The following CNDP2 variants were observed in gnomAD, a reference collection of about 807,000 sequenced individuals.
CNDP2 encodes the protein cytosolic non-specific dipeptidase.
Under a neutral mutation model 55.0 loss-of-function variants are expected in CNDP2, and 38 were observed. That is an observed-to-expected ratio of 0.69 (90% CI 0.53 to 0.90). The LOEUF is 0.90. CNDP2 is among the 40% of genes least tolerant of loss of function. CNDP2 has a pLI of 0.00. For missense variants in CNDP2, 607 were observed against 621.7 expected (o/e 0.98, Z 0.25); for synonymous variants, 241 against 260.2 (o/e 0.93, Z 0.71).
At position 74,522,075 on chromosome 18, in the gene CNDP2, T is replaced by C. The variant is rs12717112; in HGVS notation, c.*2007T>C. The stretch of plus-strand genomic sequence containing the variant: ...AGGAAAATCTGTAGTTGGTTTTACG[T>C]GGATGTTAATCTCTTAGTTTTGATC... On this transcript the variant is annotated 3_prime_UTR_variant, in exon 12 of 12. Transcript: ENST00000324262. The C allele has an allele frequency of 0.95, 145,324 of 152,332 alleles. 69,666 individuals are homozygous for C. Among genetic ancestry groups the C allele is most frequent in the South Asian group, 1 (4,820 of 4,822 alleles). The allele number at this position is 152,332 out of a possible 1,614,324, so 9.4% of individuals were successfully genotyped here. A position where few individuals can be genotyped will look rare whatever the true frequency, so the allele number is the denominator to read the frequency against.
chr18:74,516,043 T>G (rs913169497), intron 8 of CNDP2, among the ~76,000 whole-genome samples, 185 bp from the exon 9 acceptor site: 1 of 152,230 alleles, frequency 6.6e-6, no homozygotes. Context: ...AGGGGCCTCC[T>G]TTGTGCTGAG....
chr18:74,517,241 A>G (rs1359510355), intron 9 of CNDP2: 1 of 152,176 alleles, frequency 6.6e-6, no homozygotes, highest in African/African-American at 2.4e-5. Flanking sequence ...TACTAAAGAA[A>G]AAAAGCTAGG....
intron 3 of CNDP2, chr18:74,505,002 T>C (rs1232818852): frequency 6.6e-6 from 1 of 152,198 alleles, no homozygotes; most frequent in Non-Finnish European, 1.5e-5. Flanking sequence ...TCCATTCCTA[T>C]GGGATTGTGG....
In CNDP2 at chr18:74,508,899, G is replaced by A. The variant is rs149206732; in HGVS notation, c.427G>A (p.Ala143Thr). ...GGGCCCGGTGGCCGGCTGGATAAAC[G>A]CCCTGGAAGCGTATCAGAAAACAGG... is the stretch of plus-strand genomic sequence containing the variant. Reference protein sequence around the residue: ...DKGPVAGWINALEAYQKTGQE... With the variant: ...DKGPVAGWINTLEAYQKTGQE... The change falls in exon 5 of 12, where the codon GCC becomes ACC. Residue 143 changes from alanine (A) to threonine (T), a missense_variant. Coordinates refer to ENST00000324262, the MANE Select transcript of CNDP2 (RefSeq NM_018235.3). 5.4e-5 allele frequency: 87 copies of A among 1,613,906 alleles called. 1 individual carries two copies. The highest frequency in any genetic ancestry group is 3.2e-4 in the African/African-American group (24 of 74,868).
rs1182896713 is a variant in CNDP2 at position 74,521,672 on chromosome 18, T to A, written c.*1604T>A. On this transcript the variant is annotated 3_prime_UTR_variant, in exon 12 of 12. Transcript: ENST00000324262. Reference sequence around the variant, plus strand: ...AACAATCCATGAGTCCATACTAATATAAATAAAGTGACAAAGTGGGTGAGA... The same window carrying A: ...AACAATCCATGAGTCCATACTAATAAAAATAAAGTGACAAAGTGGGTGAGA... The A allele has an allele frequency of 6.6e-5, 10 of 152,124 alleles. No individual in the cohort carries two copies. Among genetic ancestry groups the A allele is most frequent in the Admixed American group, 6.5e-4 (10 of 15,274 alleles). The allele number at this position is 152,124 out of a possible 1,614,324, so 9.4% of individuals were successfully genotyped here.
rs761470812 is a variant in CNDP2, at chr18:74,520,052, C to T, written c.1412C>T (p.Ser471Phe). The T allele has an allele frequency of 6.2e-7, 1 of 1,614,166 alleles. No homozygotes were observed. The highest frequency in any genetic ancestry group is 8.5e-7 in the Non-Finnish European group (1 of 1,180,014). The change falls in exon 12 of 12, where the codon TCC becomes TTC. Residue 471 changes from serine (S) to phenylalanine (F), a missense_variant. Coordinates refer to ENST00000324262, the MANE Select transcript of CNDP2 (RefSeq NM_018235.3). ...KMLAAYLYEV[S>F]QLKD ...CTGGCCGCGTACCTGTATGAGGTCT[C>T]CCAGCTGAAGGACTAGGCCAAGCCC...
At position 74,505,861 on chromosome 18, in the gene CNDP2, TC is replaced by T; in HGVS notation, c.218del (p.Ser73TrpfsTer69). The T allele has an allele frequency of 6.2e-7, 1 of 1,612,150 alleles. No individual in the cohort carries two copies. The highest frequency in any genetic ancestry group is 1.3e-5 in the African/African-American group (1 of 74,912). On this transcript the variant is annotated frameshift_variant, in exon 4 of 12. Coordinates refer to ENST00000324262, the MANE Select transcript of CNDP2 (RefSeq NM_018235.3). LOFTEE classifies it high-confidence loss of function. ...TCTCCATGCTCAGCTCCCTGATGGC[TC>T]GGAGATCCCGCTCCCTCCTATTCTG... ...DIGKQKLPDGSEIPLPPILLG... is the reference protein window; with the variant it reads ...DIGKQKLPDGXEIPLPPILLG...
At chr18:74,516,556 CA>C in intron 9 of CNDP2, 164 bp downstream of exon 9, 1 of 710,872 alleles carries the variant, frequency 1.4e-6, no homozygotes, top group Non-Finnish European at 2.3e-6. Context: ...AGAAGCTAAT[CA>C]AAGATAATGC....
At chr18:74,518,227 G>GCA (rs1979816655) in intron 9 of CNDP2, 1 of 258,364 alleles carries the variant, frequency 3.9e-6, no homozygotes, top group Non-Finnish European at 7.6e-6. Context: ...ACGCCACTGT[G>GCA]CTCCAGCCTG....
intron 6 of CNDP2, chr18:74,512,048 C>A: frequency 6.1e-6 from 1 of 165,106 alleles, no homozygotes; most frequent in Non-Finnish European, 1.3e-5. Flanking sequence ...GGGTATGCAG[C>A]TGCTCAGTGC....
chr18:74,498,858 G>A (rs1472546257), intron 1 of CNDP2, among the ~76,000 whole-genome samples: 2 of 152,200 alleles, frequency 1.3e-5, no homozygotes, highest in African/African-American at 4.8e-5. Flanking sequence ...CACTTGAGAA[G>A]GCAGTGGTTG....
chr18:74,506,430 C>T (rs550419707), intron 4 of CNDP2, among the ~76,000 whole-genome samples: 13 of 152,192 alleles, frequency 8.5e-5, no homozygotes, highest in East Asian at 1.9e-4. Context: ...GCCACCACGC[C>T]GGGCACAGAC....
chr18:74,502,846 C>G (rs1417580301), intron 3 of CNDP2, among the ~76,000 whole-genome samples: 3 of 152,150 alleles, frequency 2.0e-5, no homozygotes, highest in Non-Finnish European at 4.4e-5. Context: ...CCAGGCAGCT[C>G]TGTCCACTGG....
chr18:74,514,535 G>A (rs1016524357), intron 8 of CNDP2, among the ~76,000 whole-genome samples: 24 of 139,350 alleles, frequency 1.7e-4, no homozygotes, highest in African/African-American at 6.1e-4. Context: ...AGTTCTGCAG[G>A]CTATAGGTTT....
rs1290474546 is a variant in CNDP2, at chr18:74,520,712, C to G, written c.*644C>G. 2 of 152,582 alleles carry G rather than the reference C, an allele frequency of 1.3e-5. No homozygotes were observed. The highest frequency in any genetic ancestry group is 2.4e-5 in the African/African-American group (1 of 41,436). The allele number at this position is 152,582 out of a possible 1,614,324, so 9.5% of individuals were successfully genotyped here. On this transcript the variant is annotated 3_prime_UTR_variant, in exon 12 of 12. Transcript: ENST00000324262. ...TGGTGGTGCATGCCTGTAGTTCCAGCTACTCAGGACACTGACGTAGGAGGG... is the reference window on the plus strand; with the variant it reads ...TGGTGGTGCATGCCTGTAGTTCCAGGTACTCAGGACACTGACGTAGGAGGG...
Position 74,518,965 on chromosome 18 carries a change from A to G in CNDP2, c.1227A>G (p.Pro409=). 1.9e-6 allele frequency: 3 copies of G among 1,614,106 alleles called. No homozygotes were observed. Among genetic ancestry groups the G allele is most frequent in the Non-Finnish European group, 2.5e-6 (3 of 1,180,028 alleles). ...RAMKTVFGVE[P]DLTREGGSIP... ...TCCCCCCAGTTTTTGGTGTTGAGCC[A>G]GACTTGACCAGGGAAGGCGGCAGTA... The change falls in exon 11 of 12, where the codon CCA becomes CCG. Residue 409 remains proline (P), a synonymous_variant. Coordinates refer to ENST00000324262, the MANE Select transcript of CNDP2 (RefSeq NM_018235.3).
chr18:74,507,067 A>G (rs1206206762), intron 4 of CNDP2: 1 of 152,024 alleles, frequency 6.6e-6, no homozygotes, highest in African/African-American at 2.4e-5. Context: ...TTAAAGCAAC[A>G]TTTTTTATGA....
Position 74,518,580 on chromosome 18 carries a change from C to G in CNDP2, c.1150C>G (p.Pro384Ala), listed in dbSNP as rs779589716. ...FKVYMGHGGK[P>A]WVSDFSHPHY... ...GGTGTACATGGGCCACGGTGGGAAG[C>G]CCTGGGTCTCCGACTTCAGTCACCC... is the stretch of plus-strand genomic sequence containing the variant. The change falls in exon 10 of 12, where the codon CCC becomes GCC. Residue 384 changes from proline (P) to alanine (A), a missense_variant. By Grantham distance (27) the Pro-to-Ala change is conservative. Coordinates refer to ENST00000324262, the MANE Select transcript of CNDP2 (RefSeq NM_018235.3). 2 of 1,614,238 alleles carry G rather than the reference C, an allele frequency of 1.2e-6. No homozygotes were observed. Among genetic ancestry groups the G allele is most frequent in the Non-Finnish European group, 1.7e-6 (2 of 1,180,038 alleles).
intron 3 of CNDP2, among the ~76,000 whole-genome samples, chr18:74,503,576 A>T (rs1032056922): frequency 2.6e-5 from 4 of 152,264 alleles, no homozygotes; most frequent in Admixed American, 2.0e-4. Context: ...ACAGGAATTT[A>T]TGTAGAGAAA....
Sources: allele counts gnomAD v4.1 joint callset (sites outside exome capture counted in the v4.1 genomes callset), GRCh38; gene constraint gnomAD v4.1.1; transcripts MANE v1.5; gene names NCBI Gene and HGNC (gene_info 2026-07-23, HGNC 2026-07-21).